The following ZNF385C variants were observed in gnomAD, a reference collection of about 807,000 sequenced individuals.
The protein encoded by ZNF385C is zinc finger protein 385C.
ZNF385C carries 28 observed loss-of-function variants against 35.4 expected under a neutral mutation model. The observed-to-expected ratio is 0.79, with a 90% CI of 0.59 to 1.08. ZNF385C has a LOEUF of 1.08. Ranked by LOEUF, ZNF385C falls within the 50% of genes least tolerant of loss-of-function variation. ZNF385C has a pLI of 0.00. For missense variants in ZNF385C, 605 were observed against 595.6 expected (o/e 1.02, Z -0.16); for synonymous variants, 248 against 248.2 (o/e 1.00, Z 0.01).
chr17:42,043,287 C>A, intron 2 of ZNF385C: 2 of 1,232,264 alleles, frequency 1.6e-6, no homozygotes, highest in Non-Finnish European at 2.0e-6. Context: ...GCCAGGTAAA[C>A]TCCTCTTTCC....
chr17:42,028,766 C>T lies in ZNF385C; in HGVS notation c.967+17G>A. 1 of 1,540,404 alleles carries T rather than the reference C, an allele frequency of 6.5e-7. No individual in the cohort carries two copies. Among genetic ancestry groups the T allele is most frequent in the Non-Finnish European group, 8.8e-7 (1 of 1,139,102 alleles). Reference sequence around the variant, plus strand: ...GTCCCACCCTTTCCCTGGGCTCCAGCTCCTGGGACTACTGACCTGTGTTGT... The same window carrying T: ...GTCCCACCCTTTCCCTGGGCTCCAGTTCCTGGGACTACTGACCTGTGTTGT... On this transcript the variant is annotated intron_variant, in intron 6 of 8. Coordinates refer to ENST00000692273, the MANE Select transcript of ZNF385C (RefSeq NM_001392013.1).
chr17:42,041,361 C>T (rs1457900532), intron 2 of ZNF385C, among the ~76,000 whole-genome samples: 1 of 152,180 alleles, frequency 6.6e-6, no homozygotes, highest in Non-Finnish European at 1.5e-5. Context: ...CCAGTCACTT[C>T]ACCTCTCCGA....
chr17:42,031,034 G>T (rs1555654954), intron 5 of ZNF385C, among the ~76,000 whole-genome samples: 2 of 146,026 alleles, frequency 1.4e-5, no homozygotes, highest in Admixed American at 1.4e-4. Flanking sequence ...CAGTCACCCA[G>T]GTTGTAGTCT....
intron 2 of ZNF385C, 152 bp from the exon 3 acceptor site, chr17:42,038,037 GCCC>G: frequency 6.5e-7 from 1 of 1,535,858 alleles, no homozygotes; most frequent in Non-Finnish European, 8.7e-7. Context: ...AGTGATTATA[GCCC>G]CCTTCTCTGT....
At chr17:42,069,700 G>C (rs1472426471) in intron 1 of ZNF385C, among the ~76,000 whole-genome samples, 1 of 152,250 alleles carries the variant, frequency 6.6e-6, no homozygotes, top group African/African-American at 2.4e-5. Context: ...CTGGCTGGCC[G>C]GCCAAACTTG....
intron 1 of ZNF385C, among the ~76,000 whole-genome samples, chr17:42,093,000 GAGA>G (rs1413362850): frequency 6.6e-6 from 1 of 152,220 alleles, no homozygotes; most frequent in Admixed American, 6.5e-5. Flanking sequence ...CATCTAAAGT[GAGA>G]AGAAGGACCT....
At chr17:42,079,416 C>T (rs1241426258) in intron 1 of ZNF385C, among the ~76,000 whole-genome samples, 2 of 142,670 alleles carry the variant, frequency 1.4e-5, no homozygotes, top group Non-Finnish European at 3.0e-5. Flanking sequence ...TGACCAGGCA[C>T]AGTGGCTCAC....
intron 1 of ZNF385C, among the ~76,000 whole-genome samples, chr17:42,075,576 G>C (rs1290158818): frequency 6.8e-6 from 1 of 146,184 alleles, no homozygotes; most frequent in Non-Finnish European, 1.5e-5. Context: ...CTCACTGCAA[G>C]CTCCGCCTCC....
chr17:42,089,030 G>GA (rs1555660300), intron 1 of ZNF385C, among the ~76,000 whole-genome samples: 4 of 152,026 alleles, frequency 2.6e-5, no homozygotes, highest in Non-Finnish European at 5.9e-5. Context: ...TGGCAGAACA[G>GA]CCACCTCACT....
At chr17:42,040,462 T>G in intron 2 of ZNF385C, 1 of 1,232,182 alleles carries the variant, frequency 8.1e-7, no homozygotes, top group Non-Finnish European at 1.0e-6. Flanking sequence ...CAAGGCCAAG[T>G]CCGGCTCTTC....
intron 3 of ZNF385C, 122 bp from the exon 4 acceptor site, chr17:42,034,457 GAACTTTTCCATC>G (rs1418023423): frequency 1.5e-5 from 10 of 674,680 alleles, no homozygotes; most frequent in African/African-American, 5.5e-5. Context: ...CTTCTAGGAA[GAACTTTTCCATC>G]CTGTGGATGT....
intron 8 of ZNF385C, 51 bp from the exon 9 acceptor site, chr17:42,027,184 C>A: frequency 6.5e-7 from 1 of 1,547,140 alleles, no homozygotes; most frequent in Non-Finnish European, 8.9e-7. Flanking sequence ...GAAAACCCCA[C>A]CCCCTCCCTG....
chr17:42,060,114 G>A (rs572454704), intron 2 of ZNF385C, among the ~76,000 whole-genome samples: 59 of 152,184 alleles, frequency 3.9e-4, no homozygotes, highest in Non-Finnish European at 6.9e-4. Flanking sequence ...CTCAGTGTCA[G>A]CCCTCCATTT....
rs1448629992 is a variant in ZNF385C at position 42,050,711 on chromosome 17, G to A, written c.250+12096C>T. ...CCCGGGCAGGGCGGGCGGCGCCCCC[G>A]GGGCTCACCTGGCCGCGCCCACCTG... On this transcript the variant is annotated intron_variant, in intron 2 of 8. Coordinates refer to ENST00000692273, the MANE Select transcript of ZNF385C (RefSeq NM_001392013.1). This position sits in a 1 kb window ranked among gnomAD's most constrained non-coding sequence, Gnocchi z 5.6. 8 of 150,352 alleles carry A rather than the reference G, an allele frequency of 5.3e-5. No homozygotes were observed. The highest frequency in any genetic ancestry group is 1.0e-4 in the Non-Finnish European group (7 of 67,450). The allele number at this position is 150,352 out of a possible 1,614,324, so 9.3% of individuals were successfully genotyped here.
intron 1 of ZNF385C, among the ~76,000 whole-genome samples, chr17:42,086,143 G>A (rs529895841): frequency 3.3e-5 from 5 of 152,144 alleles, no homozygotes; most frequent in Admixed American, 2.6e-4. Context: ...TGTAATCCCA[G>A]CACTTGGGGA....
At chr17:42,069,799 T>C (rs2053598426) in intron 1 of ZNF385C, among the ~76,000 whole-genome samples, 1 of 151,618 alleles carries the variant, frequency 6.6e-6, no homozygotes, top group African/African-American at 2.4e-5. Context: ...TCCCAGCACT[T>C]TGGGAGGCCA....
At chr17:42,076,964 T>G (rs2053692980) in intron 1 of ZNF385C, among the ~76,000 whole-genome samples, 1 of 152,052 alleles carries the variant, frequency 6.6e-6, no homozygotes, top group African/African-American at 2.4e-5. Flanking sequence ...CCCTCCCCAC[T>G]CCAGAAAATG....
intron 2 of ZNF385C, 24 bp downstream of exon 2, chr17:42,062,783 G>C (rs1339461516): frequency 1.9e-6 from 1 of 515,688 alleles, no homozygotes; most frequent in African/African-American, 2.0e-5. Context: ...AAATTTGTGG[G>C]AGCAGCGTCC....
intron 7 of ZNF385C, 86 bp downstream of exon 7, chr17:42,027,964 C>T: frequency 2.6e-6 from 4 of 1,511,388 alleles, no homozygotes; most frequent in Non-Finnish European, 2.7e-6. Context: ...GCCCTGCCTG[C>T]TCTCTTCAGG....
Sources: gnomAD v4.1 joint callset for allele counts (sites outside exome capture counted in the v4.1 genomes callset) on GRCh38, gnomAD v4.1.1 for gene constraint, Gnocchi (gnomAD v3.1) non-coding constraint, MANE v1.5 for transcripts, NCBI Gene and HGNC (gene_info 2026-07-23, HGNC 2026-07-21) for gene names.